The following SCN7A variants were observed in gnomAD, a reference collection of about 807,000 sequenced individuals.
The protein encoded by SCN7A is sodium voltage-gated channel alpha subunit 7, also known as sodium channel protein type 7 subunit alpha.
A neutral mutation model predicts 155.2 loss-of-function variants in SCN7A; 138 were observed. The observed-to-expected ratio is 0.89, with a 90% CI of 0.77 to 1.02. The LOEUF is 1.02. Ranked by LOEUF, SCN7A falls within the 50% of genes least tolerant of loss-of-function variation. The probability of loss-of-function intolerance (pLI) is 0.00; values close to 1 mark genes in which losing one functional copy is unlikely to be tolerated. For missense variants in SCN7A, 2,058 were observed against 1,986.6 expected, an observed-to-expected ratio of 1.04 and a Z score of -0.68; for synonymous variants, 693 against 649.0, an observed-to-expected ratio of 1.07 and a Z score of -1.03.
Position 166,462,515 on chromosome 2 carries a change from T to A in SCN7A, c.957A>T (p.Gly319=). ...NRTDAGQCPE[G]YVCVKAGINP... ...TTATGCCAGCTTTTACACACACATA[T>A]CCTTCAGGACACTGACTAAAGAAGA... The change falls in exon 10 of 26, where the codon GGA becomes GGT. Residue 319 remains glycine, a synonymous_variant. Coordinates refer to ENST00000643258, the MANE Select transcript of SCN7A (RefSeq NM_002976.4). 6.2e-7 allele frequency: 1 copy of A among 1,613,806 alleles called. No homozygotes were observed. Among genetic ancestry groups the A allele is most frequent in the Non-Finnish European group, 8.5e-7 (1 of 1,179,832 alleles).
At chr2:166,412,747 A>T (rs1701229391) in intron 22 of SCN7A, 80 bp from the exon 23 acceptor site, 4 of 1,426,028 alleles carry the variant, frequency 2.8e-6, no homozygotes, top group Non-Finnish European at 3.7e-6. Flanking sequence ...CAAGAAAACA[A>T]TAACAAAACA....
intron 12 of SCN7A, among the ~76,000 whole-genome samples, chr2:166,445,373 G>A (rs13409808): frequency 0.072 from 10,571 of 147,056 alleles, 649 homozygotes; most frequent in East Asian, 0.16. Flanking sequence ...AAGGAAGGAA[G>A]AGGGGAGGGA....
chr2:166,449,145 C>T (rs1206128569), intron 11 of SCN7A, among the ~76,000 whole-genome samples: 2 of 152,124 alleles, frequency 1.3e-5, no homozygotes, highest in Non-Finnish European at 2.9e-5. Context: ...GCATTGATAA[C>T]TCTCAGGAGT....
In SCN7A at chr2:166,404,251, T is replaced by G. The variant is rs1701017979; in HGVS notation, c.*1329A>C. ...CTCAGAATCTCAAACTACATAGAAG[T>G]AAATGACTATATTTGTATGAATAAG... is the stretch of plus-strand genomic sequence containing the variant. On this transcript the variant is annotated 3_prime_UTR_variant, in exon 26 of 26. Coordinates refer to ENST00000643258, the MANE Select transcript of SCN7A (RefSeq NM_002976.4). 1 of 151,946 alleles carries G rather than the reference T, an allele frequency of 6.6e-6. No individual in the cohort carries two copies. The highest frequency in any genetic ancestry group is 2.1e-4 in the South Asian group (1 of 4,828). 9.4% of individuals were successfully genotyped at this position (151,946 alleles called of 1,614,324 possible). A position where few individuals can be genotyped will look rare whatever the true frequency, so the allele number is the denominator to read the frequency against.
At chr2:166,430,205 T>C (rs1479154084) in intron 16 of SCN7A, among the ~76,000 whole-genome samples, 25 of 152,024 alleles carry the variant, frequency 1.6e-4, no homozygotes, top group Admixed American at 1.6e-3. Flanking sequence ...CAATATTTTG[T>C]CCTACCTCTT....
At chr2:166,462,673 T>C (rs2105478421) in intron 9 of SCN7A, 143 bp from the exon 10 acceptor site, 1 of 685,420 alleles carries the variant, frequency 1.5e-6, no homozygotes, top group Non-Finnish European at 2.3e-6. Context: ...AAACAATTGC[T>C]TGCTAAAAAG....
intron 5 of SCN7A, among the ~76,000 whole-genome samples, chr2:166,472,712 A>G (rs1034066732): frequency 6.6e-6 from 1 of 151,900 alleles, no homozygotes; most frequent in Non-Finnish European, 1.5e-5. Context: ...TGTGTCTTAT[A>G]GCATTTGTCA....
intron 15 of SCN7A, among the ~76,000 whole-genome samples, chr2:166,435,317 G>C (rs1701814992): frequency 6.6e-6 from 1 of 152,070 alleles, no homozygotes; most frequent in South Asian, 2.1e-4. Context: ...TAACAAAAAA[G>C]AGAGCAGAAA....
At chr2:166,453,113 A>C (rs990265814) in intron 11 of SCN7A, among the ~76,000 whole-genome samples, 4 of 152,112 alleles carry the variant, frequency 2.6e-5, no homozygotes, top group Non-Finnish European at 5.9e-5. Context: ...AAACATTTTA[A>C]TATCTTGTTT....
Position 166,405,323 on chromosome 2 carries a change from G to A in SCN7A, c.*257C>T. ...AGAAGGCACACATCATATAAGCCATGTAGAGAAAACAAATATGAGATTGTC... is the reference window on the plus strand; with the variant it reads ...AGAAGGCACACATCATATAAGCCATATAGAGAAAACAAATATGAGATTGTC... On this transcript the variant is annotated 3_prime_UTR_variant, in exon 26 of 26. Coordinates refer to ENST00000643258, the MANE Select transcript of SCN7A (RefSeq NM_002976.4). 1 of 407,432 alleles carries A rather than the reference G, an allele frequency of 2.5e-6. No homozygotes were observed. The highest frequency in any genetic ancestry group is 4.3e-6 in the Non-Finnish European group (1 of 231,692). 25.2% of individuals were successfully genotyped at this position (407,432 alleles called of 1,614,324 possible).
chr2:166,411,098 T>C lies in SCN7A; in HGVS notation c.3607-774A>G, dbSNP rs16852127. On this transcript the variant is annotated intron_variant, in intron 23 of 25. Coordinates refer to ENST00000643258, the MANE Select transcript of SCN7A (RefSeq NM_002976.4). ...CACTCAGCTCTCTACTCCTATTTCA[T>C]TGGTGGAGACTCAAGAGTGATTGAT... Among the ~76,000 whole-genome samples, 287 of 152,174 alleles carry C rather than the reference T, an allele frequency of 1.9e-3. 1 individual carries two copies. Among genetic ancestry groups the C allele is most frequent in the Non-Finnish European group, 2.8e-3 (193 of 67,992 alleles).
chr2:166,444,711 A>G lies in SCN7A; in HGVS notation c.1626+51T>C, dbSNP rs1286918217. Reference sequence around the variant, plus strand: ...AATAATGATGAACAAAGAAAAGTTCAATGATAACTAAGAAACTGCAAATGA... The same window carrying G: ...AATAATGATGAACAAAGAAAAGTTCGATGATAACTAAGAAACTGCAAATGA... On this transcript the variant is annotated intron_variant, in intron 13 of 25. Coordinates refer to ENST00000643258, the MANE Select transcript of SCN7A (RefSeq NM_002976.4). 9 of 1,050,722 alleles carry G rather than the reference A, an allele frequency of 8.6e-6. No homozygotes were observed. In the East Asian group the frequency reaches 1.8e-4, roughly 21 times the overall value. 65.1% of individuals were successfully genotyped at this position (1,050,722 alleles called of 1,614,324 possible). A position where few individuals can be genotyped will look rare whatever the true frequency, so the allele number is the denominator to read the frequency against.
chr2:166,476,055 TAA>T (rs903445809), intron 3 of SCN7A, among the ~76,000 whole-genome samples: 1 of 151,932 alleles, frequency 6.6e-6, no homozygotes, highest in African/African-American at 2.4e-5. Context: ...TATTATGACA[TAA>T]ACATAGCAAA....
chr2:166,431,118 C>T (rs1011639905), intron 16 of SCN7A, among the ~76,000 whole-genome samples: 1 of 152,066 alleles, frequency 6.6e-6, no homozygotes, highest in South Asian at 2.1e-4. Flanking sequence ...GACACTCCAA[C>T]ATGCTGTGCT....
chr2:166,408,831 G>T (rs1701133933), intron 25 of SCN7A, among the ~76,000 whole-genome samples: 1 of 151,894 alleles, frequency 6.6e-6, no homozygotes. Flanking sequence ...ACCCTAATAT[G>T]TGTGTTATGT....
chr2:166,429,200 A>G lies in SCN7A; in HGVS notation c.2667T>C (p.Tyr889=). Residue 889 remains tyrosine (Y), a synonymous_variant, in exon 17 of 26, where the codon TAT becomes TAC. Coordinates refer to ENST00000643258, the MANE Select transcript of SCN7A (RefSeq NM_002976.4). ...TCAGATGCTTTGATCTTTCACCTCCATAGAACATTTCTTCTTCTTCAGAGA... is the reference window on the plus strand; with the variant it reads ...TCAGATGCTTTGATCTTTCACCTCCGTAGAACATTTCTTCTTCTTCAGAGA... ...IAISEEEEMF[Y]GGERSKHLKN... 1.9e-6 allele frequency: 3 copies of G among 1,545,768 alleles called. No homozygotes were observed. Among genetic ancestry groups the G allele is most frequent in the Non-Finnish European group, 2.6e-6 (3 of 1,144,050 alleles).
rs1338543025 is a variant in SCN7A, at chr2:166,432,406, G to A, written c.2504C>T (p.Thr835Ile). 1.2e-6 allele frequency: 2 copies of A among 1,613,544 alleles called. No individual in the cohort carries two copies. The highest frequency in any genetic ancestry group is 2.2e-5 in the South Asian group (2 of 91,060). ...AGATTCTCCTGAAGCAATTGGTACA[G>A]TTTCTGAGACACTAGGACTGGGGAT... The part of the protein sequence containing the change: ...SLIPSPSVSE[T>I]VPIASGESDI... Residue 835 changes from threonine to isoleucine, a missense_variant, in exon 16 of 26, where the codon ACT becomes ATT. Coordinates refer to ENST00000643258, the MANE Select transcript of SCN7A (RefSeq NM_002976.4).
chr2:166,428,026 G>T, intron 17 of SCN7A, 84 bp from the exon 18 acceptor site: 2 of 1,302,438 alleles, frequency 1.5e-6, no homozygotes, highest in Non-Finnish European at 1.1e-6. Context: ...ATGTGCCACA[G>T]CAATTATTTA....
At chr2:166,458,104 T>C (rs2105468511) in intron 10 of SCN7A, among the ~76,000 whole-genome samples, 2 of 152,298 alleles carry the variant, frequency 1.3e-5, no homozygotes, top group African/African-American at 2.4e-5. Context: ...TTATTTATTG[T>C]AGTGCATTCA....
Sources: gnomAD v4.1 joint callset for allele counts (sites outside exome capture counted in the v4.1 genomes callset) on GRCh38, gnomAD v4.1.1 for gene constraint, MANE v1.5 for transcripts, NCBI Gene and HGNC (gene_info 2026-07-23, HGNC 2026-07-21) for gene names.